The following PLCE1 variants were observed in gnomAD, a reference collection of about 807,000 sequenced individuals.
The protein encoded by PLCE1 is phospholipase C epsilon 1.
In PLCE1, 119 loss-of-function variants were observed where a neutral mutation model predicts 242.8. The ratio of observed to expected loss-of-function variants is 0.49; its 90% CI spans 0.42 to 0.57. The LOEUF (loss-of-function observed/expected upper bound fraction) is 0.57. Ranked by LOEUF, PLCE1 falls within the 20% of genes least tolerant of loss-of-function variation. The probability of loss-of-function intolerance (pLI) is 0.00; values close to 1 mark genes in which losing one functional copy is unlikely to be tolerated. For synonymous variants in PLCE1, 945 were observed against 1,017.4 expected (o/e 0.93, Z 1.35); for missense variants, 2,441 against 2,788.8 (o/e 0.88, Z 2.81).
Position 94,171,357 on chromosome 10 carries a change from G to C in PLCE1, c.1670G>C (p.Cys557Ser). 6.2e-7 allele frequency: 1 copy of C among 1,614,174 alleles called. No homozygotes were observed. Among genetic ancestry groups the C allele is most frequent in the Non-Finnish European group, 8.5e-7 (1 of 1,180,026 alleles). The stretch of plus-strand genomic sequence containing the variant: ...AGGGTCTTGCCAGTCGACTACCTTT[G>C]CTTCTTAACACGGGACTTGGGCACT... ...YRRVLPVDYL[C>S]FLTRDLGTPE... The change falls in exon 4 of 33, where the codon TGC becomes TCC. Residue 557 changes from cysteine (C) to serine (S), a missense_variant. Around this residue, in one of 5 missense-constraint regions of PLCE1, gnomAD observed 733 missense variants for 754.2 expected, o/e 0.97. Transcript: ENST00000371380.
intron 4 of PLCE1, among the ~76,000 whole-genome samples, chr10:94,195,575 C>T (rs902627268): frequency 3.3e-5 from 5 of 151,998 alleles, no homozygotes; most frequent in Admixed American, 2.6e-4. Context: ...GATTTCCTTT[C>T]TCTGGGATGT....
intron 4 of PLCE1, among the ~76,000 whole-genome samples, chr10:94,205,016 A>G (rs1589343342): frequency 6.6e-6 from 1 of 152,250 alleles, no homozygotes; most frequent in East Asian, 1.9e-4. Context: ...ACTTGGCGTA[A>G]GGATAAAGCT....
At chr10:94,254,802 C>G (rs2051006086) in intron 10 of PLCE1, 91 bp from the exon 11 acceptor site, 1 of 1,415,112 alleles carries the variant, frequency 7.1e-7, no homozygotes, top group Admixed American at 1.7e-5. Context: ...TTGATTTGCT[C>G]AGACATCCAG....
At chr10:94,136,409 T>C (rs1489545897) in intron 3 of PLCE1, among the ~76,000 whole-genome samples, 1 of 152,222 alleles carries the variant, frequency 6.6e-6, no homozygotes, top group African/African-American at 2.4e-5. Flanking sequence ...GTATGTATTT[T>C]ATCATAAGAA....
Position 94,066,810 on chromosome 10 carries a change from A to G in PLCE1, c.1206+34558A>G, listed in dbSNP as rs539650976. Among the ~76,000 whole-genome samples the G allele has an allele frequency of 3.9e-5, 6 of 152,298 alleles. No homozygotes were observed. In the South Asian group the frequency reaches 1.2e-3, roughly 32 times the overall value. On this transcript the variant is annotated intron_variant, in intron 2 of 32. Coordinates refer to ENST00000371380, the MANE Select transcript of PLCE1 (RefSeq NM_016341.4). ...AAACTTTTGGATGACACACAATTTC[A>G]TGGTTTGTTATCTCAGCTCCACCAA...
intron 4 of PLCE1, among the ~76,000 whole-genome samples, chr10:94,174,480 G>A (rs76427114): frequency 0.01 from 1,565 of 152,208 alleles, 21 homozygotes; most frequent in East Asian, 0.076. Context: ...TAGTCTCAAA[G>A]CATCTCTCCA....
intron 1 of PLCE1, among the ~76,000 whole-genome samples, chr10:94,028,729 G>A (rs1395206615): frequency 2.0e-5 from 3 of 152,126 alleles, no homozygotes; most frequent in African/African-American, 4.8e-5. Context: ...TGGGAGGATC[G>A]CTTGAGCCCA....
intron 1 of PLCE1, among the ~76,000 whole-genome samples, chr10:94,006,175 G>A (rs2061033316): frequency 1.3e-5 from 2 of 152,206 alleles, no homozygotes; most frequent in Non-Finnish European, 2.9e-5. Context: ...CTATGCCTCA[G>A]CTTCTGAATC....
intron 23 of PLCE1, among the ~76,000 whole-genome samples, chr10:94,296,291 G>T (rs867414675): frequency 1.3e-5 from 2 of 151,412 alleles, no homozygotes. Context: ...GCGTGAACCC[G>T]GGAGGCGGAG....
intron 2 of PLCE1, chr10:94,107,759 G>A (rs1268527484): frequency 6.6e-6 from 1 of 152,084 alleles, no homozygotes; most frequent in African/African-American, 2.4e-5. Context: ...AGTCCATGAA[G>A]GTATCTGGGG....
chr10:94,072,461 T>C lies in PLCE1; in HGVS notation c.1206+40209T>C, dbSNP rs372752346. Among the ~76,000 whole-genome samples, 47 of 152,148 alleles carry C rather than the reference T, an allele frequency of 3.1e-4. No homozygotes were observed. The East Asian group carries it at 4.6e-3, about 15-fold the overall frequency. On this transcript the variant is annotated intron_variant, in intron 2 of 32. Transcript: ENST00000371380. ...CTGGCTAAGTTTTTTGTATTTTTAA[T>C]AGAGACGGGATTTCACCATGTTAGC...
chr10:93,996,419 A>C (rs7911800), intron 1 of PLCE1, among the ~76,000 whole-genome samples: 1,804 of 152,286 alleles, frequency 0.012, 17 homozygotes, highest in African/African-American at 0.021. Flanking sequence ...GGTGATTAGG[A>C]AACATGGTGC....
chr10:94,222,331 CTTCATTCATTCA>C (rs375517855), intron 4 of PLCE1, among the ~76,000 whole-genome samples: 11 of 151,968 alleles, frequency 7.2e-5, no homozygotes, highest in African/African-American at 1.5e-4. Context: ...AGGAGGTAAG[CTTCATTCATTCA>C]TTCATTCATT....
At chr10:94,311,349 A>T (rs1052264339) in intron 27 of PLCE1, among the ~76,000 whole-genome samples, 1 of 152,168 alleles carries the variant, frequency 6.6e-6, no homozygotes, top group South Asian at 2.1e-4. Flanking sequence ...GCCACCAATC[A>T]TCTCATTAGC....
rs142669725 is a variant in PLCE1, at chr10:94,254,042, G to A, written c.3280-148G>A. 2.0e-3 allele frequency: 1,493 copies of A among 737,682 alleles called. 26 individuals carry two copies. In the Admixed American group the frequency reaches 0.024, roughly 12 times the overall value. The allele number at this position is 737,682 out of a possible 1,614,324, so 45.7% of individuals were successfully genotyped here. The stretch of plus-strand genomic sequence containing the variant: ...GAAATAATATGACATGAGAATACTC[G>A]GTCAGCCTTAATGTAGGTCTTTACC... On this transcript the variant is annotated intron_variant, in intron 9 of 32. Coordinates refer to ENST00000371380, the MANE Select transcript of PLCE1 (RefSeq NM_016341.4).
intron 2 of PLCE1, among the ~76,000 whole-genome samples, chr10:94,079,622 C>T (rs2044600358): frequency 6.6e-6 from 1 of 152,156 alleles, no homozygotes; most frequent in Admixed American, 6.5e-5. Context: ...TTTAATTTAA[C>T]ATAAAAAATT....
chr10:94,160,915 G>A (rs1005283463), intron 3 of PLCE1, among the ~76,000 whole-genome samples: 2 of 152,126 alleles, frequency 1.3e-5, no homozygotes, highest in African/African-American at 4.8e-5. Context: ...TCAGATAGTT[G>A]TAGCTAAGCA....
intron 5 of PLCE1, among the ~76,000 whole-genome samples, chr10:94,229,419 G>C (rs915516748): frequency 1.1e-4 from 16 of 152,150 alleles, no homozygotes; most frequent in African/African-American, 2.9e-4. Context: ...CCAAGAGAGG[G>C]AGGCAGAGGC....
At chr10:94,325,146 T>TA in intron 32 of PLCE1, 42 bp downstream of exon 32, 14 of 1,361,196 alleles carry the variant, frequency 1.0e-5, no homozygotes, top group Middle Eastern at 2.0e-4. Flanking sequence ...GGGCTTAACT[T>TA]AAACTACTTT....
Sources: allele counts gnomAD v4.1 joint callset (sites outside exome capture counted in the v4.1 genomes callset), GRCh38; gene constraint gnomAD v4.1.1; regional missense constraint gnomAD v4.1.1; transcripts MANE v1.5; gene names NCBI Gene and HGNC (gene_info 2026-07-23, HGNC 2026-07-21).